FBXO34: variants seen among roughly 807,000 people sequenced by gnomAD.
FBXO34 encodes the protein F-box protein 34, also known as F-box only protein 34.
Under a neutral mutation model 24.5 loss-of-function variants are expected in FBXO34, and 12 were observed. The ratio of observed to expected loss-of-function variants is 0.49; its 90% confidence interval spans 0.31 to 0.79. The LOEUF (loss-of-function observed/expected upper bound fraction) is 0.79, where lower values mean the gene tolerates loss of function less well. FBXO34 is among the 30% of genes least tolerant of loss of function. The pLI is 0.04. For synonymous variants in FBXO34, 320 were observed against 311.9 expected, an observed-to-expected ratio of 1.03 and a Z score of -0.27; for missense variants, 823 against 857.7, an observed-to-expected ratio of 0.96 and a Z score of 0.51.
chr14:55,277,316 A>T, intron 1 of FBXO34, among the ~76,000 whole-genome samples: 1 of 151,998 alleles, frequency 6.6e-6, no homozygotes. Flanking sequence ...ATATGATTTA[A>T]TTTTTTGTTT....
intron 1 of FBXO34, among the ~76,000 whole-genome samples, chr14:55,292,147 A>G (rs1707435367): frequency 6.6e-6 from 1 of 152,036 alleles, no homozygotes; most frequent in South Asian, 2.1e-4. Context: ...CTTTTTATAT[A>G]ATATTTTTTG....
intron 1 of FBXO34, among the ~76,000 whole-genome samples, chr14:55,297,301 A>G (rs1177784738): frequency 1.3e-5 from 2 of 152,240 alleles, no homozygotes; most frequent in Non-Finnish European, 2.9e-5. Context: ...CTATGTCAGT[A>G]TTAACACAGA....
the FBXO34 span, among the ~76,000 whole-genome samples, chr14:55,380,990 C>T: frequency 1.3e-5 from 2 of 148,910 alleles, no homozygotes; most frequent in South Asian, 4.2e-4. Context: ...AATATCAAAA[C>T]AATAAATGCC....
At chr14:55,430,470 GATCATAGC>G in the FBXO34 span, among the ~76,000 whole-genome samples, 1 of 149,436 alleles carries the variant, frequency 6.7e-6, no homozygotes, top group Non-Finnish European at 1.5e-5. Context: ...GCAGTGGCAT[GATCATAGC>G]TCACTGCAGC....
At chr14:55,378,526 C>G in the FBXO34 span, among the ~76,000 whole-genome samples, 1 of 152,192 alleles carries the variant, frequency 6.6e-6, no homozygotes, top group East Asian at 1.9e-4. Flanking sequence ...CCTCGTTATT[C>G]TATCCAGGAC....
chr14:55,277,704 C>T (rs1247394919), intron 1 of FBXO34, among the ~76,000 whole-genome samples: 4 of 152,238 alleles, frequency 2.6e-5, no homozygotes, highest in South Asian at 2.1e-4. Flanking sequence ...ATTCAGAGGA[C>T]GCAAGTTTCT....
At chr14:55,435,908 G>A in the FBXO34 span, 1 of 1,581,956 alleles carries the variant, frequency 6.3e-7, no homozygotes, top group Non-Finnish European at 8.5e-7. Context: ...CAACTTACAG[G>A]CCAGGTTTAC....
intron 1 of FBXO34, among the ~76,000 whole-genome samples, chr14:55,307,420 T>C (rs1882589961): frequency 6.6e-6 from 1 of 152,262 alleles, no homozygotes; most frequent in South Asian, 2.1e-4. Flanking sequence ...CTTGCTGCTG[T>C]TGGCATTTTT....
chr14:55,377,715 TGA>T, the FBXO34 span: 1 of 737,690 alleles, frequency 1.4e-6, no homozygotes, highest in African/African-American at 1.8e-5. Flanking sequence ...TTGTCCGGTT[TGA>T]GGAGTTTGGG....
chr14:55,310,668 C>T (rs1882704880), intron 1 of FBXO34, among the ~76,000 whole-genome samples: 1 of 152,128 alleles, frequency 6.6e-6, no homozygotes, highest in South Asian at 2.1e-4. Flanking sequence ...TTTAGTTTTC[C>T]TTAAATCCAG....
At chr14:55,414,017 A>C in the FBXO34 span, 1 of 534,246 alleles carries the variant, frequency 1.9e-6, no homozygotes, top group South Asian at 1.4e-5. Context: ...GGCCTAGAGA[A>C]CATGTATCAG....
At chr14:55,393,339 C>G in the FBXO34 span, among the ~76,000 whole-genome samples, 1 of 151,296 alleles carries the variant, frequency 6.6e-6, no homozygotes, top group Non-Finnish European at 1.5e-5. Context: ...GAGCCGAGAT[C>G]GCGCCACTGC....
In FBXO34 at chr14:55,352,291, A is replaced by G; in HGVS notation, c.1901A>G (p.Gln634Arg). The G allele has an allele frequency of 6.2e-7, 1 of 1,614,156 alleles. No individual in the cohort carries two copies. The highest frequency in any genetic ancestry group is 1.3e-5 in the African/African-American group (1 of 75,058). Residue 634 changes from glutamine (Q) to arginine (R), a missense_variant, in exon 2 of 2, where the codon CAG becomes CGG. Gln to Arg is a conservative substitution (Grantham distance 43). This residue lies in a region of FBXO34 where 130 missense variants were observed against 198.6 expected (regional missense o/e 0.65). Coordinates refer to ENST00000313833, the MANE Select transcript of FBXO34 (RefSeq NM_017943.4). ...CGCTATAGAGAGGATCCTTGCAAAC[A>G]GTGCAAGAAAAAGTATGTGAAAGGG... ...DPRYREDPCK[Q>R]CKKKYVKGDV...
At chr14:55,401,813 C>T in the FBXO34 span, among the ~76,000 whole-genome samples, 1 of 152,136 alleles carries the variant, frequency 6.6e-6, no homozygotes, top group Non-Finnish European at 1.5e-5. Flanking sequence ...CACCCAGGAG[C>T]GCTGCCTGTC....
At chr14:55,432,202 G>A in the FBXO34 span, among the ~76,000 whole-genome samples, 1 of 148,396 alleles carries the variant, frequency 6.7e-6, no homozygotes, top group South Asian at 2.1e-4. Context: ...GAGCCCAGGA[G>A]TTCGAGACCA....
chr14:55,385,945 A>G, the FBXO34 span: 10 of 1,614,222 alleles, frequency 6.2e-6, no homozygotes, highest in Non-Finnish European at 7.6e-6. Flanking sequence ...CCAGACGCTC[A>G]TAATGACTTC....
At chr14:55,310,359 C>G (rs1029003454) in intron 1 of FBXO34, among the ~76,000 whole-genome samples, 1 of 152,032 alleles carries the variant, frequency 6.6e-6, no homozygotes, top group Non-Finnish European at 1.5e-5. Context: ...ACTTTTGTTG[C>G]CAGTTGAGAG....
intron 1 of FBXO34, among the ~76,000 whole-genome samples, chr14:55,334,788 G>T (rs897303969): frequency 6.6e-6 from 1 of 152,186 alleles, no homozygotes; most frequent in South Asian, 2.1e-4. Context: ...GTATTTTTGG[G>T]TGGCAGAGAA....
the FBXO34 span, among the ~76,000 whole-genome samples, chr14:55,432,583 T>C: frequency 6.6e-6 from 1 of 152,352 alleles, no homozygotes; most frequent in Admixed American, 6.5e-5. Flanking sequence ...TAGCAATTTC[T>C]GCACTTCTAA....
Sources: gnomAD v4.1 joint callset for allele counts (sites outside exome capture counted in the v4.1 genomes callset) on GRCh38, gnomAD v4.1.1 for gene constraint, gnomAD v4.1.1 regional missense constraint, MANE v1.5 for transcripts, NCBI Gene and HGNC (gene_info 2026-07-23, HGNC 2026-07-21) for gene names.